The following SMIM24 variants were observed in gnomAD, a reference collection of about 807,000 sequenced individuals.
SMIM24 encodes small integral membrane protein 24.
A neutral mutation model predicts 10.8 loss-of-function variants in SMIM24; 6 were observed. The ratio of observed to expected loss-of-function variants is 0.55; its 90% CI spans 0.30 to 1.09. The LOEUF (loss-of-function observed/expected upper bound fraction) is 1.09, where lower values mean the gene tolerates loss of function less well. Among genes scored for constraint, SMIM24 ranks in the 50% least tolerant of loss-of-function variants. The pLI is 0.06. For synonymous variants in SMIM24, 71 were observed against 62.4 expected, an observed-to-expected ratio of 1.14 and a Z score of -0.65; for missense variants, 151 against 153.4, an observed-to-expected ratio of 0.98 and a Z score of 0.08.
chr19:3,477,743 G>A (rs1216670519), intron 3 of SMIM24, among the ~76,000 whole-genome samples: 5 of 135,598 alleles, frequency 3.7e-5, no homozygotes, highest in Non-Finnish European at 6.4e-5. Context: ...GTGGGTGAAT[G>A]GGTGAGTGGG....
intron 3 of SMIM24, among the ~76,000 whole-genome samples, chr19:3,475,993 AC>A (rs2082790729): frequency 6.6e-6 from 1 of 151,950 alleles, no homozygotes; most frequent in Non-Finnish European, 1.5e-5. Context: ...ATAAATGAAT[AC>A]ATTGCAGGAA....
intron 3 of SMIM24, among the ~76,000 whole-genome samples, chr19:3,476,060 G>C (rs2082790980): frequency 6.6e-6 from 1 of 152,150 alleles, no homozygotes; most frequent in South Asian, 2.1e-4. Context: ...TGGGTGGATG[G>C]GAGTATAGAT....
rs1418068663 is a variant in SMIM24 at position 3,478,378 on chromosome 19, G to A, written c.239+41C>T. 4.6e-6 allele frequency: 7 copies of A among 1,511,380 alleles called. No homozygotes were observed. In the South Asian group the frequency reaches 7.3e-5, roughly 16 times the overall value. 93.6% of individuals were successfully genotyped at this position (1,511,380 alleles called of 1,614,324 possible). On this transcript the variant is annotated intron_variant, in intron 3 of 3. Transcript: ENST00000215531. ...CGCACACCCATTCCCCCACCCCGAG[G>A]AGGGGTTCACACAGACCCCCAGCAT...
At chr19:3,479,024 G>T in intron 1 of SMIM24, 95 bp from the exon 2 acceptor site, 1 of 977,396 alleles carries the variant, frequency 1.0e-6, no homozygotes, top group East Asian at 2.7e-5. Flanking sequence ...AAGGTCACTG[G>T]GGGTGCTCCG....
intron 3 of SMIM24, 148 bp from the exon 4 acceptor site, chr19:3,475,144 G>A (rs973801947): frequency 1.8e-5 from 17 of 953,200 alleles, no homozygotes; most frequent in Admixed American, 8.6e-5. Flanking sequence ...GCGGCCTCAC[G>A]ATTTCCATTT....
At chr19:3,477,779 G>C (rs1472334286) in intron 3 of SMIM24, among the ~76,000 whole-genome samples, 1 of 147,780 alleles carries the variant, frequency 6.8e-6, no homozygotes. Flanking sequence ...GTGAATGGGT[G>C]AGTGGGTGGA....
At chr19:3,480,374 C>T in intron 1 of SMIM24, 23 bp downstream of exon 1, 1 of 1,509,046 alleles carries the variant, frequency 6.6e-7, no homozygotes. Flanking sequence ...CCGCGACGCC[C>T]CCTCCCGCCC....
In SMIM24 at chr19:3,480,477, G is replaced by C; in HGVS notation, c.-14C>G. On this transcript the variant is annotated 5_prime_UTR_variant, in exon 1 of 4. Coordinates refer to ENST00000215531, the MANE Select transcript of SMIM24 (RefSeq NM_001136503.2). ...CAGGGTCTCCATGACGGTCGAGTGAGCCAGCAGCCAGCCAGCGGCGGTCCC... is the reference window on the plus strand; with the variant it reads ...CAGGGTCTCCATGACGGTCGAGTGACCCAGCAGCCAGCCAGCGGCGGTCCC... The C allele has an allele frequency of 2.6e-6, 4 of 1,548,556 alleles. No homozygotes were observed. Among genetic ancestry groups the C allele is most frequent in the Non-Finnish European group, 3.5e-6 (4 of 1,146,084 alleles).
chr19:3,479,437 G>C (rs2082807718), intron 1 of SMIM24, among the ~76,000 whole-genome samples: 1 of 148,928 alleles, frequency 6.7e-6, no homozygotes, highest in African/African-American at 2.5e-5. Flanking sequence ...CAGAGGAGCT[G>C]TTGGGGGGAG....
intron 1 of SMIM24, 98 bp downstream of exon 1, chr19:3,480,298 GC>G: frequency 8.3e-7 from 1 of 1,201,224 alleles, no homozygotes; most frequent in South Asian, 1.5e-5. Flanking sequence ...TTTTCTTCCT[GC>G]CCCCTCTCCT....
rs747767618 is a variant in SMIM24 at position 3,478,443 on chromosome 19, T to C, written c.215A>G (p.Glu72Gly). ...CCTCTGGTCCTGGTATAGGTTGGACTCCATTCTGAACGTGGTCTCCTCCTC... is the reference window on the plus strand; with the variant it reads ...CCTCTGGTCCTGGTATAGGTTGGACCCCATTCTGAACGTGGTCTCCTCCTC... ...EDEEETTFRM[E>G]SNLYQDQSED... is the part of the protein sequence containing the mutation. Residue 72 changes from glutamate (E) to glycine (G), a missense_variant, in exon 3 of 4, where the codon GAG becomes GGG. Transcript: ENST00000215531. 3.2e-6 allele frequency: 5 copies of C among 1,549,332 alleles called. No homozygotes were observed. The highest frequency in any genetic ancestry group is 1.7e-4 in the Middle Eastern group (1 of 5,986).
rs1234448848 is a variant in SMIM24 at position 3,478,437 on chromosome 19, T to C, written c.221A>G (p.Asn74Ser). The change falls in exon 3 of 4, where the codon AAC becomes AGC. Residue 74 changes from asparagine to serine, a missense_variant. Physicochemically the swap from Asn to Ser is conservative, Grantham distance 46 (BLOSUM62 1). Coordinates refer to ENST00000215531, the MANE Select transcript of SMIM24 (RefSeq NM_001136503.2). ...EEETTFRMES[N>S]LYQDQSEDKR... ...ATAGTACCTCTGGTCCTGGTATAGGTTGGACTCCATTCTGAACGTGGTCTC... is the reference window on the plus strand; with the variant it reads ...ATAGTACCTCTGGTCCTGGTATAGGCTGGACTCCATTCTGAACGTGGTCTC... 1.9e-6 allele frequency: 3 copies of C among 1,549,154 alleles called. No individual in the cohort carries two copies. The highest frequency in any genetic ancestry group is 2.0e-5 in the Admixed American group (1 of 50,742).
chr19:3,475,134 G>A lies in SMIM24; in HGVS notation c.240-138C>T, dbSNP rs556766258. ...GAATCTTCAAAATAACCCTAACTAC[G>A]CGGCCTCACGATTTCCATTTCACAA... On this transcript the variant is annotated intron_variant, in intron 3 of 3. Transcript: ENST00000215531. 1.5e-4 allele frequency: 152 copies of A among 1,012,744 alleles called. 1 individual carries two copies. The South Asian group carries it at 2.2e-3, about 15-fold the overall frequency. 62.7% of individuals were successfully genotyped at this position (1,012,744 alleles called of 1,614,324 possible). A position where few individuals can be genotyped will look rare whatever the true frequency, so the allele number is the denominator to read the frequency against.
intron 3 of SMIM24, 47 bp downstream of exon 3, chr19:3,478,372 C>T (rs1410070470): frequency 6.6e-7 from 1 of 1,513,430 alleles, no homozygotes; most frequent in Non-Finnish European, 8.9e-7. Flanking sequence ...ATTCCCCCAC[C>T]CCGAGGAGGG....
At chr19:3,478,319 G>A in intron 3 of SMIM24, 100 bp downstream of exon 3, 1 of 1,104,236 alleles carries the variant, frequency 9.1e-7, no homozygotes, top group Non-Finnish European at 1.3e-6. Context: ...GGGCAGGAAT[G>A]TGTTTGAAGG....
At chr19:3,479,923 G>A (rs2082810725) in intron 1 of SMIM24, among the ~76,000 whole-genome samples, 1 of 142,918 alleles carries the variant, frequency 7.0e-6, no homozygotes, top group African/African-American at 2.6e-5. Flanking sequence ...GGCTCAGAGG[G>A]AGAGGGGCTT....
chr19:3,478,867 T>A lies in SMIM24; in HGVS notation c.130A>T (p.Ile44Phe), dbSNP rs1202338847. 6.5e-7 allele frequency: 1 copy of A among 1,549,554 alleles called. No individual in the cohort carries two copies. The highest frequency in any genetic ancestry group is 1.4e-5 in the African/African-American group (1 of 72,886). Residue 44 changes from isoleucine (I) to phenylalanine (F), a missense_variant, in exon 2 of 4, where the codon ATC becomes TTC. Transcript: ENST00000215531. Reference sequence around the variant, plus strand: ...TTGGCCAGCAAGACCAAATAGACGATGAACAGGAAGCCGACTACCGCAGCC... The same window carrying A: ...TTGGCCAGCAAGACCAAATAGACGAAGAACAGGAAGCCGACTACCGCAGCC... ...GLAAVVGFLFIVYLVLLANRL... is the reference protein window; with the variant it reads ...GLAAVVGFLFFVYLVLLANRL...
intron 3 of SMIM24, among the ~76,000 whole-genome samples, chr19:3,475,810 G>A (rs2082789998): frequency 6.6e-6 from 1 of 151,468 alleles, no homozygotes; most frequent in South Asian, 2.1e-4. Flanking sequence ...GTGGGTGGGC[G>A]GATGATGGCT....
chr19:3,479,570 G>A (rs192580530), intron 1 of SMIM24, among the ~76,000 whole-genome samples: 3 of 150,182 alleles, frequency 2.0e-5, no homozygotes, highest in Admixed American at 6.6e-5. Flanking sequence ...AGAGGCTCAG[G>A]AGGAGGGGCT....
Sources: gnomAD v4.1 joint callset for allele counts (sites outside exome capture counted in the v4.1 genomes callset) on GRCh38, gnomAD v4.1.1 for gene constraint, MANE v1.5 for transcripts, NCBI Gene and HGNC (gene_info 2026-07-23, HGNC 2026-07-21) for gene names.